The following ALCAM variants were observed in gnomAD, a reference collection of about 807,000 sequenced individuals.
The protein encoded by ALCAM is CD166 antigen.
In ALCAM, 30 loss-of-function variants were observed where a neutral mutation model predicts 70.9. The observed-to-expected ratio is 0.42, with a 90% CI of 0.32 to 0.57. The LOEUF (loss-of-function observed/expected upper bound fraction) is 0.57, where lower values mean the gene tolerates loss of function less well. ALCAM is among the 20% of genes least tolerant of loss of function. The pLI is 0.11. For synonymous variants in ALCAM, 249 were observed against 242.5 expected, an observed-to-expected ratio of 1.03 and a Z score of -0.25; for missense variants, 591 against 695.1, an observed-to-expected ratio of 0.85 and a Z score of 1.68.
chr3:105,402,084 A>G (rs1160026002), intron 1 of ALCAM, among the ~76,000 whole-genome samples: 1 of 152,202 alleles, frequency 6.6e-6, no homozygotes, highest in African/African-American at 2.4e-5. Flanking sequence ...GCTTTACCAA[A>G]CATCCCCATC....
intron 1 of ALCAM, among the ~76,000 whole-genome samples, chr3:105,479,209 G>A (rs1467359762): frequency 6.6e-6 from 1 of 152,064 alleles, no homozygotes; most frequent in Non-Finnish European, 1.5e-5. Flanking sequence ...ATTTCTTGTA[G>A]TTTGTGTGTA....
At chr3:105,449,106 G>A (rs184535159) in intron 1 of ALCAM, among the ~76,000 whole-genome samples, 1 of 152,098 alleles carries the variant, frequency 6.6e-6, no homozygotes, top group Non-Finnish European at 1.5e-5. Context: ...ATGGTAAAAG[G>A]CATGTTTGCA....
At chr3:105,529,822 C>T (rs13322383) in intron 3 of ALCAM, among the ~76,000 whole-genome samples, 12,705 of 152,096 alleles carry the variant, frequency 0.084, 669 homozygotes, top group Non-Finnish European at 0.12. Context: ...ATTGATAAAA[C>T]ATTACAGGGT....
intron 14 of ALCAM, among the ~76,000 whole-genome samples, chr3:105,559,167 T>C (rs1241617195): frequency 6.8e-6 from 1 of 148,096 alleles, no homozygotes; most frequent in Non-Finnish European, 1.5e-5. Context: ...AAAATAAATG[T>C]ATATATATTA....
At chr3:105,513,532 T>TA (rs1408272172) in intron 1 of ALCAM, among the ~76,000 whole-genome samples, 1 of 151,982 alleles carries the variant, frequency 6.6e-6, no homozygotes, top group Non-Finnish European at 1.5e-5. Flanking sequence ...CTGTATTCCC[T>TA]AAAATTTCAA....
chr3:105,541,678 G>C lies in ALCAM; in HGVS notation c.904G>C (p.Asp302His), dbSNP rs199921428. 8 of 1,612,200 alleles carry C rather than the reference G, an allele frequency of 5.0e-6. No individual in the cohort carries two copies. The East Asian group carries it at 1.6e-4, about 31-fold the overall frequency. Reference sequence around the variant, plus strand: ...AAGCTCAAATACTTACACACTGACGGATGTGAGGCGCAATGCAACAGGAGA... The same window carrying C: ...AAGCTCAAATACTTACACACTGACGCATGTGAGGCGCAATGCAACAGGAGA... ...IRSSNTYTLT[D>H]VRRNATGDYK... The change falls in exon 8 of 16, where the codon GAT becomes CAT. Residue 302 changes from aspartate to histidine, a missense_variant. By Grantham distance (81) the Asp-to-His change is moderately conservative. Coordinates refer to ENST00000306107, the MANE Select transcript of ALCAM (RefSeq NM_001627.4).
intron 1 of ALCAM, among the ~76,000 whole-genome samples, chr3:105,376,565 T>C (rs1471607892): frequency 6.6e-6 from 1 of 152,230 alleles, no homozygotes; most frequent in Non-Finnish European, 1.5e-5. Context: ...CTAATTACTA[T>C]ACATTCAAGA....
chr3:105,494,747 A>C (rs1938689296), intron 1 of ALCAM, among the ~76,000 whole-genome samples: 1 of 150,854 alleles, frequency 6.6e-6, no homozygotes, highest in African/African-American at 2.4e-5. Context: ...ACAGCTTTGA[A>C]CTCCTGGGCT....
At chr3:105,374,457 A>T (rs1386285612) in intron 1 of ALCAM, among the ~76,000 whole-genome samples, 1 of 152,072 alleles carries the variant, frequency 6.6e-6, no homozygotes, top group Non-Finnish European at 1.5e-5. Flanking sequence ...AAACTTTCCC[A>T]TGGTGGAATT....
At chr3:105,574,192 G>A (rs1279964596) in intron 15 of ALCAM, among the ~76,000 whole-genome samples, 6 of 151,872 alleles carry the variant, frequency 4.0e-5, no homozygotes, top group Admixed American at 3.9e-4. Context: ...AGAAATGAGT[G>A]TACTTTTAAC....
intron 1 of ALCAM, among the ~76,000 whole-genome samples, chr3:105,371,169 C>T (rs1335512501): frequency 6.6e-6 from 1 of 151,942 alleles, no homozygotes; most frequent in East Asian, 1.9e-4. Flanking sequence ...ATTGACTTAT[C>T]AAAAAGAAGA....
At chr3:105,445,924 AT>A (rs540098375) in intron 1 of ALCAM, among the ~76,000 whole-genome samples, 92 of 152,174 alleles carry the variant, frequency 6.0e-4, no homozygotes, top group Non-Finnish European at 1.1e-3. Flanking sequence ...CTGGGCAAGG[AT>A]TTTTTTGGAT....
At chr3:105,454,452 G>A (rs370769767) in intron 1 of ALCAM, among the ~76,000 whole-genome samples, 45 of 152,022 alleles carry the variant, frequency 3.0e-4, no homozygotes, top group African/African-American at 9.4e-4. Flanking sequence ...CCATCTCCCC[G>A]CATGCTTTCC....
intron 1 of ALCAM, among the ~76,000 whole-genome samples, chr3:105,403,617 A>G (rs1001315517): frequency 1.3e-5 from 2 of 152,058 alleles, no homozygotes; most frequent in African/African-American, 4.8e-5. Flanking sequence ...CATCTGACAT[A>G]GTCTACACCA....
intron 1 of ALCAM, among the ~76,000 whole-genome samples, chr3:105,473,912 T>G (rs1938021160): frequency 6.6e-6 from 1 of 151,522 alleles, no homozygotes; most frequent in Admixed American, 6.6e-5. Context: ...TTAAGGTGGC[T>G]GCCTTCTTGT....
intron 1 of ALCAM, among the ~76,000 whole-genome samples, chr3:105,493,480 G>A (rs1938644751): frequency 6.6e-6 from 1 of 152,158 alleles, no homozygotes; most frequent in Non-Finnish European, 1.5e-5. Flanking sequence ...GCATTGAGAT[G>A]AGGAGATTAT....
At chr3:105,497,666 T>C (rs1938785734) in intron 1 of ALCAM, among the ~76,000 whole-genome samples, 2 of 152,188 alleles carry the variant, frequency 1.3e-5, no homozygotes, top group Admixed American at 1.3e-4. Flanking sequence ...ATCCCAAGTT[T>C]GCATTTAGAA....
intron 4 of ALCAM, among the ~76,000 whole-genome samples, 183 bp from the exon 5 acceptor site, chr3:105,533,420 A>G (rs1271057614): frequency 6.6e-6 from 1 of 152,172 alleles, no homozygotes; most frequent in East Asian, 1.9e-4. Flanking sequence ...TAAATTGTTA[A>G]AAAGGTCTTA....
chr3:105,468,954 A>T (rs574360414), intron 1 of ALCAM, among the ~76,000 whole-genome samples: 1 of 151,310 alleles, frequency 6.6e-6, no homozygotes, highest in Non-Finnish European at 1.5e-5. Context: ...TTTAAAATCC[A>T]TGCATAATAA....
Sources: allele counts gnomAD v4.1 joint callset (sites outside exome capture counted in the v4.1 genomes callset), GRCh38; gene constraint gnomAD v4.1.1; transcripts MANE v1.5; gene names NCBI Gene and HGNC (gene_info 2026-07-23, HGNC 2026-07-21).